The following TERF2 variants were observed in gnomAD, a reference collection of about 807,000 sequenced individuals.
TERF2 encodes the protein telomeric repeat-binding factor 2.
Under a neutral mutation model 56.1 loss-of-function variants are expected in TERF2, and 16 were observed. That is an observed-to-expected ratio of 0.29 (90% confidence interval 0.19 to 0.43). The LOEUF (loss-of-function observed/expected upper bound fraction) is 0.43, where lower values mean the gene tolerates loss of function less well. TERF2 is among the 20% of genes least tolerant of loss of function. TERF2 has a pLI of 1.00. For synonymous variants in TERF2, 296 were observed against 282.1 expected (o/e 1.05, Z -0.50); for missense variants, 547 against 712.9 (o/e 0.77, Z 2.65).
intron 3 of TERF2, among the ~76,000 whole-genome samples, chr16:69,383,883 C>T (rs896715414): frequency 1.4e-5 from 2 of 146,570 alleles, no homozygotes; most frequent in African/African-American, 4.9e-5. Context: ...GCTTCCACAC[C>T]CCCCAGCCTT....
chr16:69,359,299 G>A (rs557998257), intron 8 of TERF2, among the ~76,000 whole-genome samples: 7 of 152,226 alleles, frequency 4.6e-5, no homozygotes, highest in South Asian at 4.1e-4. Flanking sequence ...AGGCCAAGGC[G>A]GGCGGATCAC....
At chr16:69,378,566 G>A (rs1376813853) in intron 3 of TERF2, among the ~76,000 whole-genome samples, 2 of 152,182 alleles carry the variant, frequency 1.3e-5, no homozygotes, top group East Asian at 3.8e-4. Context: ...TGCTCTTTCT[G>A]TTCACACCTG....
At chr16:69,364,697 C>T (rs1035557190) in intron 7 of TERF2, among the ~76,000 whole-genome samples, 1 of 152,186 alleles carries the variant, frequency 6.6e-6, no homozygotes, top group African/African-American at 2.4e-5. Context: ...ACTCGACGAC[C>T]TTCTGCTCAT....
intron 3 of TERF2, among the ~76,000 whole-genome samples, chr16:69,375,599 ACT>A (rs1567452588): frequency 6.6e-6 from 1 of 152,108 alleles, no homozygotes; most frequent in African/African-American, 2.4e-5. Flanking sequence ...TGTAACTAAC[ACT>A]TTTTATAGTT....
chr16:69,372,427 T>C, intron 3 of TERF2, 72 bp from the exon 4 acceptor site: 1 of 997,176 alleles, frequency 1.0e-6, no homozygotes, highest in Non-Finnish European at 1.5e-6. Flanking sequence ...AACATCAAAA[T>C]AACTCTCTCT....
At chr16:69,383,219 G>A (rs2014069194) in intron 3 of TERF2, among the ~76,000 whole-genome samples, 2 of 152,098 alleles carry the variant, frequency 1.3e-5, no homozygotes, top group Non-Finnish European at 2.9e-5. Flanking sequence ...GCTCCAATGA[G>A]CATTTCCTTT....
Position 69,356,809 on chromosome 16 carries a change from A to C in TERF2, c.*89T>G, listed in dbSNP as rs564161795. The C allele has an allele frequency of 1.1e-5, 16 of 1,445,350 alleles. No individual in the cohort carries two copies. In the African/African-American group the frequency reaches 2.2e-4, roughly 19 times the overall value. The allele number at this position is 1,445,350 out of a possible 1,614,324, so 89.5% of individuals were successfully genotyped here. On this transcript the variant is annotated 3_prime_UTR_variant, in exon 10 of 10. Coordinates refer to ENST00000254942, the MANE Select transcript of TERF2 (RefSeq NM_005652.5). ...AGCGAGACTCTGTCTCAAAAAAAAAAAAAAAAGAAAAAGAAAGAAAGAGCA... is the reference window on the plus strand; with the variant it reads ...AGCGAGACTCTGTCTCAAAAAAAAACAAAAAAGAAAAAGAAAGAAAGAGCA...
chr16:69,359,147 A>G (rs2013031271), intron 8 of TERF2, among the ~76,000 whole-genome samples: 1 of 152,236 alleles, frequency 6.6e-6, no homozygotes, highest in Non-Finnish European at 1.5e-5. Context: ...ATCGTTAACC[A>G]AAACTTTGTT....
intron 8 of TERF2, among the ~76,000 whole-genome samples, chr16:69,358,045 C>T (rs1017737253): frequency 4.6e-5 from 7 of 151,244 alleles, no homozygotes; most frequent in African/African-American, 1.5e-4. Flanking sequence ...AGGAGTCTCA[C>T]TCTGTCGCCC....
chr16:69,385,558 G>A, intron 1 of TERF2, 35 bp downstream of exon 1: 2 of 1,540,576 alleles, frequency 1.3e-6, no homozygotes, highest in Non-Finnish European at 9.0e-7. Context: ...CCCTTCCCCG[G>A]CGCTCCAACC....
chr16:69,380,511 A>T (rs2013955577), intron 3 of TERF2, among the ~76,000 whole-genome samples: 1 of 151,598 alleles, frequency 6.6e-6, no homozygotes. Flanking sequence ...TACAAAAATT[A>T]GCCAGGGGTG....
At chr16:69,368,803 A>G (rs2013451175) in intron 5 of TERF2, among the ~76,000 whole-genome samples, 1 of 151,982 alleles carries the variant, frequency 6.6e-6, no homozygotes, top group Non-Finnish European at 1.5e-5. Flanking sequence ...CGGCCTCCCA[A>G]GTAGCTGGGA....
At chr16:69,361,741 C>T (rs907499863) in intron 7 of TERF2, among the ~76,000 whole-genome samples, 2 of 151,948 alleles carry the variant, frequency 1.3e-5, no homozygotes, top group South Asian at 4.2e-4. Flanking sequence ...ATCACCACCC[C>T]TCTAAAGAAT....
At chr16:69,370,821 T>C (rs1199825758) in intron 4 of TERF2, among the ~76,000 whole-genome samples, 192 bp from the exon 5 acceptor site, 2 of 152,164 alleles carry the variant, frequency 1.3e-5, no homozygotes, top group Non-Finnish European at 1.5e-5. Flanking sequence ...TGGGTTACTA[T>C]GCAGCTATAA....
At chr16:69,372,415 C>A in intron 3 of TERF2, 60 bp from the exon 4 acceptor site, 1 of 1,099,098 alleles carries the variant, frequency 9.1e-7, no homozygotes, top group South Asian at 1.4e-5. Context: ...ATCAGAATAT[C>A]AAACATCAAA....
chr16:69,358,917 G>A (rs2013022361), intron 8 of TERF2, among the ~76,000 whole-genome samples: 1 of 152,162 alleles, frequency 6.6e-6, no homozygotes, highest in Non-Finnish European at 1.5e-5. Flanking sequence ...TACGATATAT[G>A]GTGTAGCCTA....
chr16:69,368,533 A>G, intron 5 of TERF2, 51 bp from the exon 6 acceptor site: 1 of 1,607,634 alleles, frequency 6.2e-7, no homozygotes, highest in East Asian at 2.2e-5. Flanking sequence ...AATTGCATTA[A>G]TTCTCTGCTT....
chr16:69,380,103 G>A lies in TERF2; in HGVS notation c.606+4477C>T, dbSNP rs568320629. 2.6e-5 allele frequency among the ~76,000 whole-genome samples: 4 copies of A among 152,048 alleles called. No homozygotes were observed. In the South Asian group the frequency reaches 8.3e-4, roughly 32 times the overall value. ...AATTTTTGTATTTTTGGTAGAGACA[G>A]GGTTTCACCATACTGGCCAGCCTAG... On this transcript the variant is annotated intron_variant, in intron 3 of 9. Coordinates refer to ENST00000254942, the MANE Select transcript of TERF2 (RefSeq NM_005652.5).
At chr16:69,379,952 C>T (rs2013934099) in intron 3 of TERF2, among the ~76,000 whole-genome samples, 1 of 151,926 alleles carries the variant, frequency 6.6e-6, no homozygotes, top group Admixed American at 6.6e-5. Context: ...TGCTCTGTCA[C>T]CCAGGCTGGA....
Sources: allele counts gnomAD v4.1 joint callset (sites outside exome capture counted in the v4.1 genomes callset), GRCh38; gene constraint gnomAD v4.1.1; transcripts MANE v1.5; gene names NCBI Gene and HGNC (gene_info 2026-07-23, HGNC 2026-07-21).